The following SPPL3 variants were observed in gnomAD, a reference collection of about 807,000 sequenced individuals.
SPPL3 encodes signal peptide peptidase like 3.
SPPL3 carries 5 observed loss-of-function variants against 42.4 expected under a neutral mutation model. The ratio of observed to expected loss-of-function variants is 0.12; its 90% confidence interval spans 0.06 to 0.25. The LOEUF is 0.25. SPPL3 is among the 10% of genes least tolerant of loss of function. The pLI, the probability that SPPL3 is intolerant of heterozygous loss-of-function variation, is 1.00. For synonymous variants in SPPL3, 195 were observed against 181.8 expected (o/e 1.07, Z -0.58); for missense variants, 235 against 489.0 (o/e 0.48, Z 4.90).
intron 1 of SPPL3, chr12:120,845,231 T>C: frequency 4.7e-6 from 2 of 423,204 alleles, no homozygotes; most frequent in Non-Finnish European, 9.6e-6. Flanking sequence ...AGTCCCAGCT[T>C]GTCTGTGGTC....
intron 6 of SPPL3, among the ~76,000 whole-genome samples, chr12:120,781,720 C>CAGT (rs1869554297): frequency 6.6e-6 from 1 of 151,646 alleles, no homozygotes; most frequent in Non-Finnish European, 1.5e-5. Context: ...GCTGGGACTA[C>CAGT]AGGTGCCTAC....
intron 1 of SPPL3, among the ~76,000 whole-genome samples, chr12:120,884,356 T>C (rs1050316843): frequency 1.3e-5 from 2 of 152,040 alleles, no homozygotes; most frequent in Admixed American, 1.3e-4. Flanking sequence ...AAATATCACA[T>C]AAAAATGAAA....
At chr12:120,882,763 T>A (rs1180193351) in intron 1 of SPPL3, among the ~76,000 whole-genome samples, 1 of 152,130 alleles carries the variant, frequency 6.6e-6, no homozygotes, top group African/African-American at 2.4e-5. Context: ...GCACAGTGGC[T>A]TATATCTGTA....
intron 1 of SPPL3, among the ~76,000 whole-genome samples, chr12:120,848,222 A>AT (rs1172825396): frequency 6.6e-6 from 1 of 152,186 alleles, no homozygotes; most frequent in Non-Finnish European, 1.5e-5. Context: ...AAATACAACT[A>AT]TAAGCAAAGT....
intron 2 of SPPL3, among the ~76,000 whole-genome samples, chr12:120,797,243 T>C (rs1870130076): frequency 1.3e-5 from 1 of 75,866 alleles, no homozygotes; most frequent in African/African-American, 5.4e-5. Context: ...CTCTGGGTTT[T>C]TTCATTTTGC....
intron 1 of SPPL3, chr12:120,845,674 GA>G: frequency 3.0e-6 from 1 of 329,260 alleles, no homozygotes; most frequent in Non-Finnish European, 6.2e-6. Flanking sequence ...TGGACAGGTG[GA>G]AGGACGCTGG....
At chr12:120,769,622 C>T (rs1592953270) in intron 6 of SPPL3, 1 of 153,050 alleles carries the variant, frequency 6.5e-6, no homozygotes, top group East Asian at 1.9e-4. Context: ...ACAATCTCGA[C>T]TCACTGCAAC....
At chr12:120,867,516 C>A (rs1033710455) in intron 1 of SPPL3, among the ~76,000 whole-genome samples, 8 of 151,938 alleles carry the variant, frequency 5.3e-5, no homozygotes, top group Non-Finnish European at 1.2e-4. Context: ...ATACAAAAAA[C>A]TAGCTGGGTG....
intron 1 of SPPL3, among the ~76,000 whole-genome samples, chr12:120,894,485 G>A (rs1343783559): frequency 6.6e-6 from 1 of 152,218 alleles, no homozygotes; most frequent in Non-Finnish European, 1.5e-5. Flanking sequence ...AACAAAGTCA[G>A]GCACTGTACG....
chr12:120,817,948 C>T (rs1229920485), intron 1 of SPPL3, among the ~76,000 whole-genome samples: 1 of 151,996 alleles, frequency 6.6e-6, no homozygotes, highest in Non-Finnish European at 1.5e-5. Context: ...GGTAAGACTA[C>T]GATCAATGGA....
chr12:120,895,926 GA>G (rs1163826142), intron 1 of SPPL3, among the ~76,000 whole-genome samples: 3 of 152,088 alleles, frequency 2.0e-5, no homozygotes, highest in African/African-American at 4.8e-5. Flanking sequence ...GATTTCAAAT[GA>G]AAATTTAATG....
At position 120,903,893 on chromosome 12, in the gene SPPL3, G is replaced by C; in HGVS notation, c.-26C>G. Reference sequence around the variant, plus strand: ...GGCGCTGCCTCTCGTGGGCTCCGCTGCAGGCTGTGGCCGGGCCCGGCGGCG... The same window carrying C: ...GGCGCTGCCTCTCGTGGGCTCCGCTCCAGGCTGTGGCCGGGCCCGGCGGCG... On this transcript the variant is annotated 5_prime_UTR_variant, in exon 1 of 11. Coordinates refer to ENST00000353487, the MANE Select transcript of SPPL3 (RefSeq NM_139015.5). 7.2e-7 allele frequency: 1 copy of C among 1,386,478 alleles called. No individual in the cohort carries two copies. Among genetic ancestry groups the C allele is most frequent in the Non-Finnish European group, 9.3e-7 (1 of 1,069,876 alleles). 85.9% of individuals were successfully genotyped at this position (1,386,478 alleles called of 1,614,324 possible). A position where few individuals can be genotyped will look rare whatever the true frequency, so the allele number is the denominator to read the frequency against.
chr12:120,896,998 C>T (rs1322211108), intron 1 of SPPL3, among the ~76,000 whole-genome samples: 2 of 152,124 alleles, frequency 1.3e-5, no homozygotes, highest in Non-Finnish European at 2.9e-5. Flanking sequence ...TAAAACAGCA[C>T]TTGGTTATCA....
chr12:120,840,549 C>T (rs886824605), intron 1 of SPPL3, among the ~76,000 whole-genome samples: 4 of 152,048 alleles, frequency 2.6e-5, no homozygotes, highest in African/African-American at 9.6e-5. Context: ...GATTGCACAA[C>T]TAAAAACCAG....
chr12:120,823,142 G>A (rs1871121319), intron 1 of SPPL3, among the ~76,000 whole-genome samples: 1 of 140,486 alleles, frequency 7.1e-6, no homozygotes, highest in African/African-American at 2.6e-5. Context: ...ATGCGTGCAA[G>A]AGACAAAAAG....
rs1179310891 is a variant in SPPL3 at position 120,762,876 on chromosome 12, A to G, written c.*2123T>C. On this transcript the variant is annotated 3_prime_UTR_variant, in exon 11 of 11. Transcript: ENST00000353487. ...CAAAGTGCTGGGATTACAGGCATGA[A>G]GGATAACGTTATTTCTACCCATCAC... 1 of 152,182 alleles carries G rather than the reference A, an allele frequency of 6.6e-6. No homozygotes were observed. Among genetic ancestry groups the G allele is most frequent in the Non-Finnish European group, 1.5e-5 (1 of 68,058 alleles). 9.4% of individuals were successfully genotyped at this position (152,182 alleles called of 1,614,324 possible).
At chr12:120,837,018 T>C (rs939345303) in intron 1 of SPPL3, among the ~76,000 whole-genome samples, 7 of 152,170 alleles carry the variant, frequency 4.6e-5, no homozygotes, top group African/African-American at 1.4e-4. Context: ...TGTGAATCTA[T>C]AATTATGTCA....
intron 8 of SPPL3, 152 bp from the exon 9 acceptor site, chr12:120,767,745 G>A: frequency 1.2e-6 from 1 of 855,312 alleles, no homozygotes; most frequent in Non-Finnish European, 1.8e-6. Context: ...TTTTAAGAGT[G>A]TAGAGAGAAA....
At position 120,878,187 on chromosome 12, in the gene SPPL3, GTAAT is replaced by G. The variant is rs1182912232; in HGVS notation, c.23+25654_23+25657del. On this transcript the variant is annotated intron_variant, in intron 1 of 10. Transcript: ENST00000353487. Reference sequence around the variant, plus strand: ...AACAACAAAAAGTATAAAATATTTGGTAATTAATGTAGTATTTAAAAAACAAAAA... The same window carrying G: ...AACAACAAAAAGTATAAAATATTTGGTAATGTAGTATTTAAAAAACAAAAA... Among the ~76,000 whole-genome samples, 4 of 152,162 alleles carry G rather than the reference GTAAT, an allele frequency of 2.6e-5. No homozygotes were observed. In the East Asian group the frequency reaches 7.7e-4, roughly 29 times the overall value.
Sources: gnomAD v4.1 joint callset for allele counts (sites outside exome capture counted in the v4.1 genomes callset) on GRCh38, gnomAD v4.1.1 for gene constraint, MANE v1.5 for transcripts, NCBI Gene and HGNC (gene_info 2026-07-23, HGNC 2026-07-21) for gene names.